Variants in CPEB4 observed in about 807,000 individuals in gnomAD.
The protein encoded by CPEB4 is cytoplasmic polyadenylation element binding protein 4.
CPEB4 carries 12 observed loss-of-function variants against 72.5 expected under a neutral mutation model. The ratio of observed to expected loss-of-function variants is 0.17; its 90% CI spans 0.11 to 0.27. CPEB4 has a LOEUF of 0.27. CPEB4 is among the 10% of genes least tolerant of loss of function. The probability of loss-of-function intolerance (pLI) is 1.00; values close to 1 mark genes in which losing one functional copy is unlikely to be tolerated. For synonymous variants in CPEB4, 302 were observed against 326.3 expected, an observed-to-expected ratio of 0.93 and a Z score of 0.80; for missense variants, 614 against 908.5, an observed-to-expected ratio of 0.68 and a Z score of 4.17.
intron 8 of CPEB4, among the ~76,000 whole-genome samples, chr5:173,952,713 A>G (rs1278406882): frequency 6.6e-6 from 1 of 152,206 alleles, no homozygotes; most frequent in African/African-American, 2.4e-5. Flanking sequence ...TAATCAATAC[A>G]TTATTAACTG....
At position 173,889,677 on chromosome 5, in the gene CPEB4, G is replaced by T; in HGVS notation, c.-57G>T. On this transcript the variant is annotated 5_prime_UTR_variant, in exon 1 of 10. Transcript: ENST00000265085. ...AAATTTGGGGTAGAGGAAAAAAAAG[G>T]CGTGAGACATCAGGTTGTCATTTTT... 6.9e-7 allele frequency: 1 copy of T among 1,439,434 alleles called. No homozygotes were observed. Among genetic ancestry groups the T allele is most frequent in the South Asian group, 1.4e-5 (1 of 72,260 alleles). 89.2% of individuals were successfully genotyped at this position (1,439,434 alleles called of 1,614,324 possible).
chr5:173,911,174 A>G (rs1292910703), intron 2 of CPEB4, among the ~76,000 whole-genome samples: 1 of 152,046 alleles, frequency 6.6e-6, no homozygotes, highest in Non-Finnish European at 1.5e-5. Flanking sequence ...CTAGGCCTCA[A>G]TTTCTTCACC....
chr5:173,938,385 C>T (rs1757705280), intron 3 of CPEB4, among the ~76,000 whole-genome samples: 1 of 152,086 alleles, frequency 6.6e-6, no homozygotes, highest in African/African-American at 2.4e-5. Context: ...GCCACCACAC[C>T]CAGCTAATTT....
chr5:173,955,228 T>A lies in CPEB4; in HGVS notation c.1963-682T>A, dbSNP rs1758340089. On this transcript the variant is annotated intron_variant, in intron 9 of 9. Coordinates refer to ENST00000265085, the MANE Select transcript of CPEB4 (RefSeq NM_030627.4). The surrounding 1 kb of genome is among the most constrained non-coding windows in gnomAD (Gnocchi z 4.7). Reference sequence around the variant, plus strand: ...CATGACAGGTTGGCCGATAGAACGCTGGAACAGGCCCAGTTTTAGAAATTC... The same window carrying A: ...CATGACAGGTTGGCCGATAGAACGCAGGAACAGGCCCAGTTTTAGAAATTC... 6.6e-6 allele frequency among the ~76,000 whole-genome samples: 1 copy of A among 152,222 alleles called. No homozygotes were observed. Among genetic ancestry groups the A allele is most frequent in the Admixed American group, 6.5e-5 (1 of 15,286 alleles).
chr5:173,954,491 G>A (rs1758315113), intron 9 of CPEB4, among the ~76,000 whole-genome samples: 1 of 151,986 alleles, frequency 6.6e-6, no homozygotes, highest in Non-Finnish European at 1.5e-5. Flanking sequence ...TCCTGCCTTA[G>A]CCTCCCGAGT....
chr5:173,934,632 C>T (rs551395163), intron 3 of CPEB4, among the ~76,000 whole-genome samples: 1 of 152,234 alleles, frequency 6.6e-6, no homozygotes, highest in East Asian at 1.9e-4. Flanking sequence ...TAGTAACCAA[C>T]CAACTAGGAC....
At chr5:173,952,571 C>G (rs1273215894) in intron 8 of CPEB4, among the ~76,000 whole-genome samples, 1 of 152,058 alleles carries the variant, frequency 6.6e-6, no homozygotes, top group Non-Finnish European at 1.5e-5. Context: ...AAAATGCAGT[C>G]ATTATTTCAA....
chr5:173,888,413 TGGCGGCGGCGGC>T lies in CPEB4; in HGVS notation c.-1314_-1303del. ...GCGGGACCCGGGCACCGGGAGGCGG[TGGCGGCGGCGGC>T]GGCGGCAGCAGCGGCGACAGCAGAG... On this transcript the variant is annotated 5_prime_UTR_variant, in exon 1 of 10. Transcript: ENST00000265085. This position sits in a 1 kb window ranked among gnomAD's most constrained non-coding sequence, Gnocchi z 4.3. The T allele has an allele frequency of 2.3e-6, 1 of 443,882 alleles. No individual in the cohort carries two copies. Among genetic ancestry groups the T allele is most frequent in the Non-Finnish European group, 3.9e-6 (1 of 256,590 alleles). 27.5% of individuals were successfully genotyped at this position (443,882 alleles called of 1,614,324 possible).
chr5:173,916,996 G>A (rs191676078), intron 2 of CPEB4, among the ~76,000 whole-genome samples: 62 of 152,170 alleles, frequency 4.1e-4, no homozygotes, highest in East Asian at 1.9e-4. Flanking sequence ...ATTCCAAATT[G>A]CAGTCACTTA....
rs1311861219 is a variant in CPEB4, at chr5:173,961,304, C to T, written c.*5167C>T. On this transcript the variant is annotated 3_prime_UTR_variant, in exon 10 of 10. Transcript: ENST00000265085. The stretch of plus-strand genomic sequence containing the variant: ...CAAGTCTATAATATTCCTAGGCATT[C>T]TGGGATGGTTTCACTATTTTAAGAA... The T allele has an allele frequency of 2.6e-5, 4 of 152,148 alleles. No homozygotes were observed. The highest frequency in any genetic ancestry group is 9.6e-5 in the African/African-American group (4 of 41,500). 9.4% of individuals were successfully genotyped at this position (152,148 alleles called of 1,614,324 possible).
chr5:173,943,777 T>TA (rs1757927084), intron 4 of CPEB4, among the ~76,000 whole-genome samples: 1 of 152,226 alleles, frequency 6.6e-6, no homozygotes, highest in Admixed American at 6.5e-5. Context: ...GATAAATTTA[T>TA]AAAAAATATA....
At chr5:173,941,914 T>C (rs1410887761) in intron 3 of CPEB4, among the ~76,000 whole-genome samples, 1 of 152,080 alleles carries the variant, frequency 6.6e-6, no homozygotes, top group Non-Finnish European at 1.5e-5. Context: ...TGAAACCTCA[T>C]CCCCAGCCAA....
intron 2 of CPEB4, among the ~76,000 whole-genome samples, chr5:173,914,740 AAGAG>A (rs1002379604): frequency 6.6e-6 from 1 of 152,194 alleles, no homozygotes; most frequent in Admixed American, 6.5e-5. Flanking sequence ...TGGGCAACAG[AAGAG>A]AGAGACTCCG....
chr5:173,918,943 T>A (rs1285674702), intron 2 of CPEB4, among the ~76,000 whole-genome samples: 7 of 152,118 alleles, frequency 4.6e-5, no homozygotes, highest in Admixed American at 4.6e-4. Context: ...GTTACCTGAG[T>A]GAGAGGTGAG....
chr5:173,923,175 T>C (rs1450657606), intron 2 of CPEB4, among the ~76,000 whole-genome samples: 5 of 152,220 alleles, frequency 3.3e-5, no homozygotes, highest in Non-Finnish European at 5.9e-5. Context: ...TAATGATAGA[T>C]AGGTCTGTAT....
chr5:173,939,019 G>T (rs969611841), intron 3 of CPEB4, among the ~76,000 whole-genome samples: 2 of 152,184 alleles, frequency 1.3e-5, no homozygotes, highest in Non-Finnish European at 2.9e-5. Context: ...CAGGCGCAAT[G>T]GCTCATGCTT....
At chr5:173,902,106 A>G (rs1397035670) in intron 1 of CPEB4, among the ~76,000 whole-genome samples, 1 of 152,192 alleles carries the variant, frequency 6.6e-6, no homozygotes, top group Non-Finnish European at 1.5e-5. Context: ...CATTTTGGCA[A>G]ATCTTGAATT....
intron 2 of CPEB4, among the ~76,000 whole-genome samples, chr5:173,925,082 G>A (rs1285211034): frequency 1.3e-5 from 2 of 152,098 alleles, no homozygotes; most frequent in African/African-American, 4.8e-5. Context: ...AGACATTGAG[G>A]GGCAGAGAGA....
At chr5:173,927,723 G>A (rs983269384) in intron 2 of CPEB4, among the ~76,000 whole-genome samples, 5 of 150,108 alleles carry the variant, frequency 3.3e-5, no homozygotes, top group African/African-American at 9.7e-5. Flanking sequence ...GTTGCAGTAA[G>A]CTGAGATCGC....
Sources: gnomAD v4.1 joint callset for allele counts (sites outside exome capture counted in the v4.1 genomes callset) on GRCh38, gnomAD v4.1.1 for gene constraint, Gnocchi (gnomAD v3.1) non-coding constraint, MANE v1.5 for transcripts, NCBI Gene and HGNC (gene_info 2026-07-23, HGNC 2026-07-21) for gene names.